The following DLG2 variants were observed in gnomAD, a reference collection of about 807,000 sequenced individuals.
The protein encoded by DLG2 is disks large homolog 2.
A neutral mutation model predicts 132.5 loss-of-function variants in DLG2; 45 were observed. That is an observed-to-expected ratio of 0.34 (90% CI 0.27 to 0.44). The LOEUF (loss-of-function observed/expected upper bound fraction) is 0.44. Among genes scored for constraint, DLG2 ranks in the 20% least tolerant of loss-of-function variants. The pLI, the probability that DLG2 is intolerant of heterozygous loss-of-function variation, is 1.00. For synonymous variants in DLG2, 424 were observed against 419.6 expected, an observed-to-expected ratio of 1.01 and a Z score of -0.13; for missense variants, 1,045 against 1,196.9, an observed-to-expected ratio of 0.87 and a Z score of 1.87.
intron 7 of DLG2, among the ~76,000 whole-genome samples, chr11:84,442,328 T>C (rs2099019646): frequency 6.6e-6 from 1 of 152,136 alleles, no homozygotes; most frequent in Non-Finnish European, 1.5e-5. Flanking sequence ...GAAGGGGTCC[T>C]TTATACACCA....
chr11:84,923,428 A>C (rs1280207814), intron 6 of DLG2: 21 of 997,110 alleles, frequency 2.1e-5, no homozygotes, highest in Non-Finnish European at 2.0e-5. Context: ...GATTAAAAAA[A>C]AAAAAGAAGA....
chr11:83,526,481 G>C (rs2095613309), intron 21 of DLG2, among the ~76,000 whole-genome samples: 1 of 152,124 alleles, frequency 6.6e-6, no homozygotes, highest in Non-Finnish European at 1.5e-5. Context: ...CATCGTGCTA[G>C]GTGCTGGGGC....
intron 6 of DLG2, among the ~76,000 whole-genome samples, chr11:84,937,006 GC>G (rs2048826675): frequency 1.3e-5 from 2 of 152,060 alleles, no homozygotes; most frequent in Admixed American, 1.3e-4. Context: ...ACAAAAATTA[GC>G]CAGGTGTGGT....
intron 18 of DLG2, among the ~76,000 whole-genome samples, chr11:83,719,072 C>T (rs1317817085): frequency 6.6e-6 from 1 of 152,208 alleles, no homozygotes; most frequent in Admixed American, 6.5e-5. Flanking sequence ...AAAGGAGCTA[C>T]AGTTTAAAAA....
chr11:85,444,071 A>G (rs2091903319), intron 3 of DLG2, among the ~76,000 whole-genome samples: 1 of 152,210 alleles, frequency 6.6e-6, no homozygotes, highest in South Asian at 2.1e-4. Context: ...CAAGAACATT[A>G]TATCCTATTA....
At chr11:83,891,849 G>A (rs2069978944) in intron 15 of DLG2, among the ~76,000 whole-genome samples, 1 of 152,172 alleles carries the variant, frequency 6.6e-6, no homozygotes, top group African/African-American at 2.4e-5. Flanking sequence ...AATGTAGGAT[G>A]TTTGACTTCA....
intron 3 of DLG2, among the ~76,000 whole-genome samples, chr11:85,488,477 G>T (rs1416429047): frequency 6.6e-6 from 1 of 151,740 alleles, no homozygotes; most frequent in East Asian, 1.9e-4. Context: ...ATATGAAACT[G>T]TAAGTCCAAT....
At chr11:85,125,573 T>C (rs1293323230) in intron 5 of DLG2, among the ~76,000 whole-genome samples, 1 of 152,138 alleles carries the variant, frequency 6.6e-6, no homozygotes, top group Non-Finnish European at 1.5e-5. Context: ...AAGTATATTA[T>C]CAAGAGTATA....
intron 18 of DLG2, among the ~76,000 whole-genome samples, chr11:83,707,765 C>T (rs1001614474): frequency 1.3e-5 from 2 of 152,204 alleles, no homozygotes; most frequent in South Asian, 2.1e-4. Flanking sequence ...TCTCAGTGCA[C>T]TCACGGTTCT....
At chr11:85,041,240 T>C (rs190374498) in intron 6 of DLG2, among the ~76,000 whole-genome samples, 1 of 152,044 alleles carries the variant, frequency 6.6e-6, no homozygotes, top group East Asian at 1.9e-4. Flanking sequence ...CTATAAGATA[T>C]AAAAAGAGAC....
chr11:84,680,192 ACTT>A (rs1413443897), intron 6 of DLG2, among the ~76,000 whole-genome samples: 1 of 151,988 alleles, frequency 6.6e-6, no homozygotes, highest in African/African-American at 2.4e-5. Flanking sequence ...TCCTCAACAG[ACTT>A]CTTCTAGGCA....
chr11:84,110,237 T>C (rs1160532011), intron 9 of DLG2, among the ~76,000 whole-genome samples: 2 of 152,086 alleles, frequency 1.3e-5, no homozygotes, highest in African/African-American at 2.4e-5. Context: ...AAAACAGAAG[T>C]GCGGGTTGAG....
chr11:84,886,721 AAC>A (rs569303958), intron 6 of DLG2, among the ~76,000 whole-genome samples: 24 of 152,286 alleles, frequency 1.6e-4, no homozygotes, highest in Middle Eastern at 6.8e-3. Context: ...ACAGGTAGAA[AAC>A]ACAGTGATCA....
chr11:83,654,079 C>G (rs946949019), intron 18 of DLG2, among the ~76,000 whole-genome samples: 5 of 151,952 alleles, frequency 3.3e-5, no homozygotes, highest in African/African-American at 1.2e-4. Context: ...TTATTCTATT[C>G]TGTGGATAAG....
intron 16 of DLG2, among the ~76,000 whole-genome samples, chr11:83,838,501 G>C (rs2056795825): frequency 6.6e-6 from 1 of 152,156 alleles, no homozygotes; most frequent in African/African-American, 2.4e-5. Flanking sequence ...CAATCCAAAA[G>C]TCTAGAATAC....
intron 17 of DLG2, among the ~76,000 whole-genome samples, chr11:83,804,202 G>T (rs921648468): frequency 2.6e-5 from 4 of 151,910 alleles, no homozygotes; most frequent in Non-Finnish European, 4.4e-5. Context: ...AATCTTTTTG[G>T]GAAGTCAAAA....
intron 6 of DLG2, among the ~76,000 whole-genome samples, chr11:84,586,781 T>C (rs548475681): frequency 6.6e-6 from 1 of 152,322 alleles, no homozygotes; most frequent in South Asian, 2.1e-4. Flanking sequence ...CTTTTAATGG[T>C]TACTTCTTAA....
rs755355058 is a variant in DLG2 at position 84,791,622 on chromosome 11, G to A, written c.358-256891C>T. On this transcript the variant is annotated intron_variant, in intron 6 of 27. Transcript: ENST00000376104. Reference sequence around the variant, plus strand: ...GTGTTCTCTTAAATTTCTTTCATCAGTGTTTTATACTTTTCATTGTGGAGA... The same window carrying A: ...GTGTTCTCTTAAATTTCTTTCATCAATGTTTTATACTTTTCATTGTGGAGA... 4.6e-5 allele frequency among the ~76,000 whole-genome samples: 7 copies of A among 152,136 alleles called. No homozygotes were observed. In the South Asian group the frequency reaches 1.5e-3, roughly 32 times the overall value.
chr11:84,424,577 C>T (rs1392933554), intron 7 of DLG2, among the ~76,000 whole-genome samples: 1 of 152,038 alleles, frequency 6.6e-6, no homozygotes, highest in Non-Finnish European at 1.5e-5. Context: ...GTAACTTGCT[C>T]AAAGTTCCAC....
Sources: allele counts gnomAD v4.1 joint callset (sites outside exome capture counted in the v4.1 genomes callset), GRCh38; gene constraint gnomAD v4.1.1; transcripts MANE v1.5; gene names NCBI Gene and HGNC (gene_info 2026-07-23, HGNC 2026-07-21).